Variants in DUSP9 observed in about 807,000 individuals in gnomAD.
The protein encoded by DUSP9 is dual specificity protein phosphatase 9.
DUSP9 carries 4 observed loss-of-function variants against 13.2 expected under a neutral mutation model. That is an observed-to-expected ratio of 0.30 (90% CI 0.15 to 0.69). DUSP9 has a LOEUF of 0.69. Among genes scored for constraint, DUSP9 ranks in the 30% least tolerant of loss-of-function variants. The probability of loss-of-function intolerance (pLI) is 0.73; values close to 1 mark genes in which losing one functional copy is unlikely to be tolerated. For missense variants in DUSP9, 263 were observed against 355.0 expected (o/e 0.74, Z 2.08); for synonymous variants, 166 against 172.3 (o/e 0.96, Z 0.29).
At chrX:153,643,056 C>G (rs782006197), upstream of DUSP9, among the ~76,000 whole-genome samples, 162 of 107,999 alleles carry the variant, frequency 1.5e-3, no homozygotes, top group Non-Finnish European at 1.5e-3. Flanking sequence ...ACCTCGAACT[C>G]CCCATCTGCC....
At position 153,648,263 on chromosome X, in the gene DUSP9, T is replaced by G; in HGVS notation, c.310T>G (p.Ser104Ala). 6 of 1,128,404 alleles carry G rather than the reference T, an allele frequency of 5.3e-6. No homozygotes were observed. Among genetic ancestry groups the G allele is most frequent in the Non-Finnish European group, 7.0e-6 (6 of 860,808 alleles). The allele number at this position is 1,128,404 out of a possible 1,213,427, so 93.0% of individuals were successfully genotyped here. The stretch of plus-strand genomic sequence containing the variant: ...CGAGGCCGAGGAGTGGGAGGCCGAG[T>G]CGGTGCTGGGCACCCTGCTGCAGAA... ...EAEAEEWEAE[S>A]VLGTLLQKLR... Residue 104 changes from serine to alanine, a missense_variant, in exon 2 of 4, where the codon TCG (serine) becomes GCG (alanine). Ser to Ala is a moderately conservative substitution (Grantham distance 99). Transcript: ENST00000342782.
rs782430274 is a variant in DUSP9 at position 153,650,319 on chromosome X, G to A, written c.*14G>A. On this transcript the variant is annotated 3_prime_UTR_variant, in exon 4 of 4. Transcript: ENST00000342782. The stretch of plus-strand genomic sequence containing the variant: ...GCCCCCACCTAGGGCCCCGTGGCCG[G>A]CAGGCCGGCCCCTGCCCCACCCCCA... The A allele has an allele frequency of 1.8e-6, 2 of 1,128,139 alleles. No individual in the cohort carries two copies. Among genetic ancestry groups the A allele is most frequent in the South Asian group, 4.2e-5 (2 of 47,583 alleles). The allele number at this position is 1,128,139 out of a possible 1,213,427, so 93.0% of individuals were successfully genotyped here.
At chrX:153,644,246 G>A (rs1455750495), upstream of DUSP9, among the ~76,000 whole-genome samples, 2 of 97,375 alleles carry the variant, frequency 2.1e-5, no homozygotes, top group Non-Finnish European at 4.2e-5. Context: ...CCTCCAGGGG[G>A]CGCTGGCCCG....
In DUSP9 at chrX:153,647,903, T is replaced by TTC; in HGVS notation, c.-35-8_-35-7dup. ...GCCCTCCGGTAGCTCACACCGCGCC[T>TTC]TCTCTCTCTTCGCAGCGCCCGTGGT... On this transcript the variant is annotated splice_polypyrimidine_tract_variant and intron_variant, in intron 1 of 3. Transcript: ENST00000342782. 1.0e-6 allele frequency: 1 copy of TTC among 982,892 alleles called. No homozygotes were observed. Among genetic ancestry groups the TTC allele is most frequent in the Non-Finnish European group, 1.3e-6 (1 of 781,715 alleles). 81.0% of individuals were successfully genotyped at this position (982,892 alleles called of 1,213,427 possible).
chrX:153,648,778 T>C (rs994355030), intron 2 of DUSP9, among the ~76,000 whole-genome samples: 1 of 112,119 alleles, frequency 8.9e-6, no homozygotes, highest in Non-Finnish European at 1.9e-5. Flanking sequence ...AAATAGTATC[T>C]GTAAATAGAG....
upstream of DUSP9, among the ~76,000 whole-genome samples, chrX:153,645,821 C>T (rs1569537911): frequency 1.8e-5 from 2 of 112,654 alleles, no homozygotes; most frequent in Admixed American, 9.4e-5. Flanking sequence ...TTGAACAGCA[C>T]GCTGATTTCA....
upstream of DUSP9, chrX:153,643,611 G>A (rs1467804770): frequency 6.7e-6 from 2 of 299,348 alleles, no homozygotes. Context: ...AATGGAGGCG[G>A]CCCAGGTGGG....
At chrX:153,643,392 G>A, upstream of DUSP9, 1 of 321,059 alleles carries the variant, frequency 3.1e-6, no homozygotes, top group Non-Finnish European at 6.1e-6. Flanking sequence ...TCCCTGCCAG[G>A]CACCTCTGGC....
Position 153,649,696 on chromosome X carries a change from A to AGGG in DUSP9, c.829+9_829+10insGGG. The stretch of plus-strand genomic sequence containing the variant: ...GGCCATTGAGTTCATTGGTGAGTCC[A>AGGG]CCCCACCCACCCTTCCCTCCTGTCC... On this transcript the variant is annotated intron_variant, in intron 3 of 3. Transcript: ENST00000342782. The AGGG allele has an allele frequency of 8.6e-6, 10 of 1,156,384 alleles. No individual in the cohort carries two copies. The highest frequency in any genetic ancestry group is 1.2e-5 in the Non-Finnish European group (10 of 858,697).
chrX:153,648,418 C>A, intron 2 of DUSP9, 92 bp downstream of exon 2: 1 of 957,938 alleles, frequency 1.0e-6, no homozygotes, highest in Non-Finnish European at 1.3e-6. Flanking sequence ...GAGTTGAGGC[C>A]CCCCTCCCCT....
In DUSP9 at chrX:153,650,893, G is replaced by A. The variant is rs1312583267; in HGVS notation, c.*588G>A. ...TTCCTCTTCCCCCAGATGTCTTGAC[G>A]GGATCACTGGGGCTCTTTGTGAGTG... On this transcript the variant is annotated 3_prime_UTR_variant, in exon 4 of 4. Coordinates refer to ENST00000342782, the MANE Select transcript of DUSP9 (RefSeq NM_001318503.2). The A allele has an allele frequency of 1.8e-5, 2 of 110,363 alleles. No homozygotes were observed. The highest frequency in any genetic ancestry group is 2.8e-4 in the East Asian group (1 of 3,518). The allele number at this position is 110,363 out of a possible 1,213,427, so 9.1% of individuals were successfully genotyped here. A position where few individuals can be genotyped will look rare whatever the true frequency, so the allele number is the denominator to read the frequency against.
At chrX:153,649,189 C>T (rs2091201684) in intron 2 of DUSP9, 43 bp from the exon 3 acceptor site, 6 of 1,177,010 alleles carry the variant, frequency 5.1e-6, no homozygotes, top group Non-Finnish European at 6.9e-6. Flanking sequence ...ACTTGGCTGC[C>T]CAGAAGGCCA....
At position 153,648,209 on chromosome X, in the gene DUSP9, G is replaced by T. The variant is rs1360971088; in HGVS notation, c.256G>T (p.Gly86Cys). Residue 86 changes from glycine (G) to cysteine (C), a missense_variant, in exon 2 of 4, where the codon GGC becomes TGC. Coordinates refer to ENST00000342782, the MANE Select transcript of DUSP9 (RefSeq NM_001318503.2). ...CGTGCTCCTGTACGACCAGGGCGGG[G>T]GCCGGCGCCGGCGCGGGGAGGCCGA... ...APVLLYDQGGGRRRRGEAEAE... is the reference protein window; with the variant it reads ...APVLLYDQGGCRRRRGEAEAE... 18 of 1,088,295 alleles carry T rather than the reference G, an allele frequency of 1.7e-5. No homozygotes were observed. Among genetic ancestry groups the T allele is most frequent in the East Asian group, 4.0e-5 (1 of 25,220 alleles). The allele number at this position is 1,088,295 out of a possible 1,213,427, so 89.7% of individuals were successfully genotyped here. A position where few individuals can be genotyped will look rare whatever the true frequency, so the allele number is the denominator to read the frequency against.
upstream of DUSP9, among the ~76,000 whole-genome samples, chrX:153,642,843 G>A (rs1557035000): frequency 9.2e-6 from 1 of 108,713 alleles, no homozygotes; most frequent in African/African-American, 3.4e-5. Flanking sequence ...ACACTCGCGC[G>A]CATACAAACC....
upstream of DUSP9, among the ~76,000 whole-genome samples, chrX:153,644,393 C>T (rs1394303613): frequency 1.9e-5 from 2 of 103,071 alleles, no homozygotes; most frequent in African/African-American, 7.0e-5. Flanking sequence ...AGACGAGGCC[C>T]GGGCGCGCGG....
At chrX:153,649,135 C>T (rs2091201311) in intron 2 of DUSP9, 97 bp from the exon 3 acceptor site, 10 of 868,844 alleles carry the variant, frequency 1.2e-5, no homozygotes, top group Middle Eastern at 3.8e-4. Flanking sequence ...ATTTGCAAAC[C>T]CTCCAAGTTG....
chrX:153,645,896 G>A (rs147980381), upstream of DUSP9, among the ~76,000 whole-genome samples: 1,260 of 112,529 alleles, frequency 0.011, 17 homozygotes, highest in African/African-American at 0.039. Context: ...TAGGTGGGAA[G>A]TGTTACCTCG....
chrX:153,648,691 A>G (rs782673509), intron 2 of DUSP9, among the ~76,000 whole-genome samples: 2 of 112,188 alleles, frequency 1.8e-5, no homozygotes, highest in African/African-American at 6.5e-5. Context: ...CGGCTCACTG[A>G]AGCCTCCTGG....
At chrX:153,647,681 G>A (rs1373507648) in intron 1 of DUSP9, 1 of 240,785 alleles carries the variant, frequency 4.2e-6, no homozygotes, top group African/African-American at 2.9e-5. Flanking sequence ...GGAGGGAGGC[G>A]GCTGCGACCT....
Sources: allele counts gnomAD v4.1 joint callset (sites outside exome capture counted in the v4.1 genomes callset), GRCh38; gene constraint gnomAD v4.1.1; transcripts MANE v1.5; gene names NCBI Gene and HGNC (gene_info 2026-07-23, HGNC 2026-07-21).